The following FZD6 variants were observed in gnomAD, a reference collection of about 807,000 sequenced individuals.
The protein encoded by FZD6 is frizzled class receptor 6.
A neutral mutation model predicts 61.4 loss-of-function variants in FZD6; 49 were observed. The observed-to-expected ratio is 0.80, with a 90% CI of 0.63 to 1.01. The LOEUF (loss-of-function observed/expected upper bound fraction) is 1.01, where lower values mean the gene tolerates loss of function less well. Among genes scored for constraint, FZD6 ranks in the 50% least tolerant of loss-of-function variants. The pLI is 0.00. For synonymous variants in FZD6, 265 were observed against 292.2 expected (o/e 0.91, Z 0.95); for missense variants, 724 against 848.2 (o/e 0.85, Z 1.82).
At chr8:103,322,299 G>C (rs1439413531) in intron 3 of FZD6, among the ~76,000 whole-genome samples, 2 of 149,420 alleles carry the variant, frequency 1.3e-5, no homozygotes, top group Non-Finnish European at 3.0e-5. Flanking sequence ...TGTATTCTCA[G>C]CTATTTAAGA....
chr8:103,325,176 G>T lies in FZD6; in HGVS notation c.1070G>T (p.Cys357Phe). The change falls in exon 4 of 7, where the codon TGC (cysteine) becomes TTC (phenylalanine). Residue 357 changes from cysteine (C) to phenylalanine (F), a missense_variant. Transcript: ENST00000358755. The stretch of plus-strand genomic sequence containing the variant: ...GAAGGAGACAACATTAGTGGAGTTT[G>T]CTTTGTTGGCCTTTATGACCTGGAT... ...KVEGDNISGV[C>F]FVGLYDLDAS... 6.2e-7 allele frequency: 1 copy of T among 1,614,082 alleles called. No individual in the cohort carries two copies. The highest frequency in any genetic ancestry group is 8.5e-7 in the Non-Finnish European group (1 of 1,179,930).
Position 103,307,637 on chromosome 8 carries a change from G to A in FZD6, c.177+7353G>A, listed in dbSNP as rs76491748. On this transcript the variant is annotated intron_variant, in intron 2 of 6. Transcript: ENST00000358755. ...CTTATTTTAATATTATTTTGCCCTG[G>A]TCATTCTTTCATTGATTTTATATAG... 1,781 of 411,970 alleles carry A rather than the reference G, an allele frequency of 4.3e-3. 35 individuals carry two copies. The highest frequency in any genetic ancestry group is 0.034 in the African/African-American group (1,614 of 47,088). The allele number at this position is 411,970 out of a possible 1,614,324, so 25.5% of individuals were successfully genotyped here. A position where few individuals can be genotyped will look rare whatever the true frequency, so the allele number is the denominator to read the frequency against.
chr8:103,314,608 C>G, intron 2 of FZD6, among the ~76,000 whole-genome samples: 1 of 152,236 alleles, frequency 6.6e-6, no homozygotes, highest in East Asian at 1.9e-4. Context: ...CCTGTCTCTG[C>G]TCAGTCACTT....
intron 3 of FZD6, among the ~76,000 whole-genome samples, chr8:103,319,215 G>A (rs906510016): frequency 2.6e-5 from 4 of 152,146 alleles, no homozygotes; most frequent in South Asian, 2.1e-4. Flanking sequence ...AGAGCATTTC[G>A]GGCAGTGGGA....
intron 4 of FZD6, among the ~76,000 whole-genome samples, chr8:103,327,624 A>C (rs1473334211): frequency 6.6e-6 from 1 of 152,080 alleles, no homozygotes; most frequent in Non-Finnish European, 1.5e-5. Flanking sequence ...AAAAAATAAA[A>C]GAAATAAAGA....
intron 3 of FZD6, 40 bp downstream of exon 3, chr8:103,318,826 T>C: frequency 9.6e-7 from 1 of 1,038,956 alleles, no homozygotes; most frequent in Non-Finnish European, 1.5e-6. Flanking sequence ...AATGGTATTT[T>C]ACTACTGGTA....
At position 103,325,288 on chromosome 8, in the gene FZD6, T is replaced by C. The variant is rs956878983; in HGVS notation, c.1182T>C (p.Asn394=). 4 of 1,614,162 alleles carry C rather than the reference T, an allele frequency of 2.5e-6. No individual in the cohort carries two copies. Among genetic ancestry groups the C allele is most frequent in the Admixed American group, 1.7e-5 (1 of 60,016 alleles). ...TTTTAGCTGGCATTATTTCCTTAAATCATGTTCGACAAGTCATACAACATG... is the reference window on the plus strand; with the variant it reads ...TTTTAGCTGGCATTATTTCCTTAAACCATGTTCGACAAGTCATACAACATG... ...SLLLAGIISL[N]HVRQVIQHDG... Residue 394 remains asparagine (N), a synonymous_variant, in exon 4 of 7, where the codon AAT becomes AAC. Coordinates refer to ENST00000358755, the MANE Select transcript of FZD6 (RefSeq NM_003506.4).
chr8:103,319,059 A>G (rs922240601), intron 3 of FZD6, among the ~76,000 whole-genome samples: 6 of 152,240 alleles, frequency 3.9e-5, no homozygotes, highest in Non-Finnish European at 2.9e-5. Context: ...ACTGTGATAG[A>G]TACAACAAAG....
chr8:103,325,550 G>T, intron 4 of FZD6, 52 bp downstream of exon 4: 1 of 1,377,392 alleles, frequency 7.3e-7, no homozygotes, highest in Non-Finnish European at 1.0e-6. Flanking sequence ...TGTAGAAAAT[G>T]TTTCATGGAA....
At chr8:103,299,664 T>C (rs564317445) in intron 1 of FZD6, among the ~76,000 whole-genome samples, 5 of 152,282 alleles carry the variant, frequency 3.3e-5, no homozygotes, top group South Asian at 2.1e-4. Context: ...TATAATTTAC[T>C]CCGAATCACC....
chr8:103,306,748 A>G (rs2687366), intron 2 of FZD6, among the ~76,000 whole-genome samples: 143,650 of 151,836 alleles, frequency 0.95, 68,023 homozygotes, highest in East Asian at 1. Context: ...CTCAAGATCC[A>G]CCCACCTCGG....
chr8:103,311,961 A>G (rs974391278), intron 2 of FZD6, among the ~76,000 whole-genome samples: 3 of 152,240 alleles, frequency 2.0e-5, no homozygotes, highest in African/African-American at 7.2e-5. Context: ...TTAAAGTATT[A>G]GAATTAAATA....
chr8:103,316,739 T>C (rs930713334), intron 2 of FZD6, among the ~76,000 whole-genome samples: 1 of 152,242 alleles, frequency 6.6e-6, no homozygotes, highest in African/African-American at 2.4e-5. Context: ...TTTAGTTACA[T>C]GTATTCTGTT....
At chr8:103,319,606 G>A (rs1416905461) in intron 3 of FZD6, among the ~76,000 whole-genome samples, 4 of 152,158 alleles carry the variant, frequency 2.6e-5, no homozygotes, top group Non-Finnish European at 4.4e-5. Flanking sequence ...GAGAACTCAC[G>A]CCTTTTCTTG....
At position 103,325,378 on chromosome 8, in the gene FZD6, T is replaced by C. The variant is rs147804869; in HGVS notation, c.1272T>C (p.Tyr424=). The change falls in exon 4 of 7, where the codon TAT becomes TAC. Residue 424 remains tyrosine (Y), a synonymous_variant. Transcript: ENST00000358755. The part of the protein sequence containing the change: ...MIRIGVFSGL[Y]LVPLVTLLGC... Reference sequence around the variant, plus strand: ...GAATTGGAGTCTTCAGCGGCTTGTATCTTGTGCCATTAGTGACACTTCTCG... The same window carrying C: ...GAATTGGAGTCTTCAGCGGCTTGTACCTTGTGCCATTAGTGACACTTCTCG... 899 of 1,614,018 alleles carry C rather than the reference T, an allele frequency of 5.6e-4. 6 individuals are homozygous for C. The African/African-American group carries it at 0.011, about 19-fold the overall frequency.
chr8:103,332,608 T>G lies in FZD6; in HGVS notation c.*1099T>G, dbSNP rs1815174311. The G allele has an allele frequency of 6.5e-6, 1 of 152,730 alleles. No individual in the cohort carries two copies. Among genetic ancestry groups the G allele is most frequent in the East Asian group, 1.9e-4 (1 of 5,184 alleles). 9.5% of individuals were successfully genotyped at this position (152,730 alleles called of 1,614,324 possible). On this transcript the variant is annotated 3_prime_UTR_variant, in exon 7 of 7. Transcript: ENST00000358755. The stretch of plus-strand genomic sequence containing the variant: ...TTTTTATACAACATACTTTAAAATA[T>G]TAAGGAGTTTTCTTAATTTTGTTTC...
chr8:103,300,220 A>T lies in FZD6; in HGVS notation c.113A>T (p.Asn38Ile). ...CCCAGATGTATGAAAATGGCCTACA[A>T]CATGACGTTTTTCCCTAATCTGATG... ...TVPRCMKMAY[N>I]MTFFPNLMGH... The change falls in exon 2 of 7, where the codon AAC becomes ATC. Residue 38 changes from asparagine (N) to isoleucine (I), a missense_variant. Asn to Ile is a moderately radical substitution (Grantham distance 149). Coordinates refer to ENST00000358755, the MANE Select transcript of FZD6 (RefSeq NM_003506.4). The T allele has an allele frequency of 6.2e-7, 1 of 1,611,314 alleles. No individual in the cohort carries two copies. The highest frequency in any genetic ancestry group is 8.5e-7 in the Non-Finnish European group (1 of 1,177,402).
chr8:103,319,930 A>T (rs1185903396), intron 3 of FZD6, among the ~76,000 whole-genome samples: 1 of 152,172 alleles, frequency 6.6e-6, no homozygotes, highest in Admixed American at 6.5e-5. Context: ...ATGGGAAAGA[A>T]CTATTTTAAG....
rs144675663 is a variant in FZD6, at chr8:103,315,851, C to T, written c.178-2739C>T. Among the ~76,000 whole-genome samples, 5 of 152,316 alleles carry T rather than the reference C, an allele frequency of 3.3e-5. No homozygotes were observed. In the East Asian group the frequency reaches 9.7e-4, roughly 29 times the overall value. On this transcript the variant is annotated intron_variant, in intron 2 of 6. Coordinates refer to ENST00000358755, the MANE Select transcript of FZD6 (RefSeq NM_003506.4). ...AACAGTCCTTGCCCACCCTTTTCCA[C>T]CCATATCCCAGTCCTGCCCTTGAGA...
Sources: allele counts gnomAD v4.1 joint callset (sites outside exome capture counted in the v4.1 genomes callset), GRCh38; gene constraint gnomAD v4.1.1; transcripts MANE v1.5; gene names NCBI Gene and HGNC (gene_info 2026-07-23, HGNC 2026-07-21).